The following CEP41 variants were observed in gnomAD, a reference collection of about 807,000 sequenced individuals.
The protein encoded by CEP41 is centrosomal protein of 41 kDa.
Under a neutral mutation model 44.3 loss-of-function variants are expected in CEP41, and 32 were observed. The ratio of observed to expected loss-of-function variants is 0.72; its 90% CI spans 0.54 to 0.97. The LOEUF is 0.97. Among genes scored for constraint, CEP41 ranks in the 50% least tolerant of loss-of-function variants. The pLI, the probability that CEP41 is intolerant of heterozygous loss-of-function variation, is 0.00. For missense variants in CEP41, 432 were observed against 455.2 expected (o/e 0.95, Z 0.46); for synonymous variants, 151 against 168.5 (o/e 0.90, Z 0.80).
chr7:130,403,183 C>T (rs1554417398), intron 6 of CEP41, among the ~76,000 whole-genome samples: 1 of 151,980 alleles, frequency 6.6e-6, no homozygotes, highest in East Asian at 1.9e-4. Context: ...GTTGGTAGGA[C>T]AGGAAAAAGG....
chr7:130,401,961 G>GA lies in CEP41; in HGVS notation c.575-14dup. ...GGGTAACTGTAAGCTGCAAAGAGAA[G>GA]AAAAAGTTTAGGAAGTCTGTTGTTC... On this transcript the variant is annotated splice_polypyrimidine_tract_variant and intron_variant, in intron 7 of 10. Transcript: ENST00000223208. 1 of 1,594,902 alleles carries GA rather than the reference G, an allele frequency of 6.3e-7. No individual in the cohort carries two copies. The highest frequency in any genetic ancestry group is 8.6e-7 in the Non-Finnish European group (1 of 1,162,712).
chr7:130,436,690 A>G (rs985140059), intron 1 of CEP41, among the ~76,000 whole-genome samples: 5 of 151,504 alleles, frequency 3.3e-5, no homozygotes, highest in African/African-American at 1.2e-4. Flanking sequence ...TTATTTTGAA[A>G]TAAAACGTTT....
rs1486484563 is a variant in CEP41 at position 130,397,296 on chromosome 7, G to A, written c.*1595C>T. 1.3e-5 allele frequency: 6 copies of A among 454,460 alleles called. No individual in the cohort carries two copies. The highest frequency in any genetic ancestry group is 2.6e-5 in the Non-Finnish European group (6 of 226,784). 28.2% of individuals were successfully genotyped at this position (454,460 alleles called of 1,614,324 possible). A position where few individuals can be genotyped will look rare whatever the true frequency, so the allele number is the denominator to read the frequency against. On this transcript the variant is annotated 3_prime_UTR_variant, in exon 11 of 11. Transcript: ENST00000223208. ...TTGAATCTTGTGGAAAATTGGGCATGGCTTGACATCTGAACAATGTCCCTG... is the reference window on the plus strand; with the variant it reads ...TTGAATCTTGTGGAAAATTGGGCATAGCTTGACATCTGAACAATGTCCCTG...
chr7:130,418,774 A>G (rs990306699), intron 2 of CEP41, among the ~76,000 whole-genome samples: 1 of 152,230 alleles, frequency 6.6e-6, no homozygotes. Context: ...AGGAAATGCT[A>G]CTTCCTTAAT....
chr7:130,394,165 C>G lies in CEP41; in HGVS notation c.*4726G>C, dbSNP rs1196612716. The G allele has an allele frequency of 2.2e-6, 1 of 454,096 alleles. No individual in the cohort carries two copies. Among genetic ancestry groups the G allele is most frequent in the South Asian group, 1.6e-5 (1 of 64,470 alleles). 28.1% of individuals were successfully genotyped at this position (454,096 alleles called of 1,614,324 possible). A position where few individuals can be genotyped will look rare whatever the true frequency, so the allele number is the denominator to read the frequency against. On this transcript the variant is annotated 3_prime_UTR_variant, in exon 11 of 11. Coordinates refer to ENST00000223208, the MANE Select transcript of CEP41 (RefSeq NM_018718.3). ...CCAAAGGAGAACATGGTTGTGCCCA[C>G]CCAGAGTGAGAAGCATAGAGCGGAG...
At chr7:130,415,237 G>A (rs1190032662) in intron 3 of CEP41, among the ~76,000 whole-genome samples, 2 of 152,250 alleles carry the variant, frequency 1.3e-5, no homozygotes, top group African/African-American at 4.8e-5. Flanking sequence ...TGGTTTCACA[G>A]AAAGAAATGG....
At position 130,396,570 on chromosome 7, in the gene CEP41, T is replaced by C. The variant is rs1281022861; in HGVS notation, c.*2321A>G. ...GTACTTTAATCTTCAACATTCATAA[T>C]TGCACAAAGCATCACTGGTCATTTA... On this transcript the variant is annotated 3_prime_UTR_variant, in exon 11 of 11. Transcript: ENST00000223208. 2 of 454,430 alleles carry C rather than the reference T, an allele frequency of 4.4e-6. No homozygotes were observed. Among genetic ancestry groups the C allele is most frequent in the Non-Finnish European group, 8.8e-6 (2 of 226,780 alleles). The allele number at this position is 454,430 out of a possible 1,614,324, so 28.1% of individuals were successfully genotyped here.
At chr7:130,428,997 C>G (rs1359794461) in intron 1 of CEP41, among the ~76,000 whole-genome samples, 2 of 152,192 alleles carry the variant, frequency 1.3e-5, no homozygotes, top group African/African-American at 4.8e-5. Context: ...ATTCAGTCCA[C>G]TGTTGCAACC....
chr7:130,398,575 A>T lies in CEP41; in HGVS notation c.*316T>A, dbSNP rs1554415889. 2.0e-6 allele frequency: 1 copy of T among 508,402 alleles called. No individual in the cohort carries two copies. The highest frequency in any genetic ancestry group is 2.3e-5 in the Admixed American group (1 of 44,082). The allele number at this position is 508,402 out of a possible 1,614,324, so 31.5% of individuals were successfully genotyped here. On this transcript the variant is annotated 3_prime_UTR_variant, in exon 11 of 11. Transcript: ENST00000223208. Reference sequence around the variant, plus strand: ...CCCAACAAGCTGGACCTTATTAAAAAAAAACAAAACAAAAAAACTAAAAAC... The same window carrying T: ...CCCAACAAGCTGGACCTTATTAAAATAAAACAAAACAAAAAAACTAAAAAC...
chr7:130,399,871 T>C, intron 10 of CEP41, 168 bp downstream of exon 10: 1 of 653,198 alleles, frequency 1.5e-6, no homozygotes, highest in Non-Finnish European at 2.7e-6. Context: ...CAATGCGTAA[T>C]TCTTGCCACT....
chr7:130,428,060 G>T, intron 1 of CEP41, 42 bp from the exon 2 acceptor site: 1 of 1,307,866 alleles, frequency 7.6e-7, no homozygotes. Context: ...GTTAATGTAA[G>T]GATAACGATA....
intron 1 of CEP41, among the ~76,000 whole-genome samples, chr7:130,439,380 T>C (rs1423464543): frequency 6.6e-6 from 1 of 151,838 alleles, no homozygotes; most frequent in Non-Finnish European, 1.5e-5. Context: ...GAGTAAAAAG[T>C]TGTACATGGA....
At chr7:130,438,535 G>A (rs1320514770) in intron 1 of CEP41, among the ~76,000 whole-genome samples, 5 of 151,856 alleles carry the variant, frequency 3.3e-5, no homozygotes, top group African/African-American at 9.7e-5. Flanking sequence ...CTCCAGCCTG[G>A]GTGACAGAGT....
intron 1 of CEP41, among the ~76,000 whole-genome samples, chr7:130,432,185 G>C (rs1418020596): frequency 1.3e-5 from 2 of 152,146 alleles, no homozygotes; most frequent in African/African-American, 2.4e-5. Flanking sequence ...GAGAATATGA[G>C]TCAAGAAAGG....
At chr7:130,399,191 T>C (rs1554416238) in intron 10 of CEP41, 152 bp from the exon 11 acceptor site, 5 of 868,764 alleles carry the variant, frequency 5.8e-6, no homozygotes, top group Non-Finnish European at 9.3e-6. Context: ...AACGATGGCC[T>C]ACTCCTCATC....
At chr7:130,409,108 TTTAAG>T (rs1196128012) in intron 5 of CEP41, among the ~76,000 whole-genome samples, 25 of 152,220 alleles carry the variant, frequency 1.6e-4, no homozygotes, top group African/African-American at 6.0e-4. Context: ...GAAATACACT[TTTAAG>T]TTAGGAAAAA....
intron 1 of CEP41, among the ~76,000 whole-genome samples, chr7:130,431,332 T>C (rs1797816186): frequency 6.6e-6 from 1 of 152,198 alleles, no homozygotes; most frequent in Non-Finnish European, 1.5e-5. Flanking sequence ...GACTGTTCAT[T>C]CCACAAAGAC....
chr7:130,438,879 C>A (rs890637479), intron 1 of CEP41, among the ~76,000 whole-genome samples: 2 of 151,784 alleles, frequency 1.3e-5, no homozygotes, highest in Non-Finnish European at 2.9e-5. Flanking sequence ...TTGGTATATA[C>A]ACACACACAC....
chr7:130,422,266 C>G (rs961963901), intron 2 of CEP41, among the ~76,000 whole-genome samples: 1 of 152,148 alleles, frequency 6.6e-6, no homozygotes, highest in Middle Eastern at 3.2e-3. Flanking sequence ...GATGAAAGAC[C>G]CATCTATTTA....
Sources: allele counts gnomAD v4.1 joint callset (sites outside exome capture counted in the v4.1 genomes callset), GRCh38; gene constraint gnomAD v4.1.1; transcripts MANE v1.5; gene names NCBI Gene and HGNC (gene_info 2026-07-23, HGNC 2026-07-21).